The following C10orf90 variants were observed in gnomAD, a reference collection of about 807,000 sequenced individuals.
C10orf90 encodes chromosome 10 open reading frame 90.
C10orf90 carries 56 observed loss-of-function variants against 62.5 expected under a neutral mutation model. The observed-to-expected ratio is 0.90, with a 90% CI of 0.72 to 1.12. C10orf90 has a LOEUF of 1.12. Ranked by LOEUF, C10orf90 falls within the 50% of genes most tolerant of loss-of-function variation. The probability of loss-of-function intolerance (pLI) is 0.00; values close to 1 mark genes in which losing one functional copy is unlikely to be tolerated. For missense variants in C10orf90, 970 were observed against 880.4 expected (o/e 1.10, Z -1.29); for synonymous variants, 386 against 340.4 (o/e 1.13, Z -1.47).
At chr10:126,576,995 A>G (rs1176023318) in intron 2 of C10orf90, among the ~76,000 whole-genome samples, 1 of 151,632 alleles carries the variant, frequency 6.6e-6, no homozygotes, top group Non-Finnish European at 1.5e-5. Flanking sequence ...CTAGAGGCTG[A>G]GAAGGGTAGG....
chr10:126,610,718 G>A (rs867448357), intron 2 of C10orf90, among the ~76,000 whole-genome samples: 4 of 152,260 alleles, frequency 2.6e-5, no homozygotes, highest in Middle Eastern at 6.8e-3. Flanking sequence ...ACTTTAGAAT[G>A]GAAATTAATT....
At chr10:126,643,809 A>G (rs1416478557) in intron 2 of C10orf90, among the ~76,000 whole-genome samples, 2 of 152,196 alleles carry the variant, frequency 1.3e-5, no homozygotes, top group Admixed American at 1.3e-4. Flanking sequence ...AGGGCTAAGA[A>G]AGACTTCATC....
chr10:126,559,424 A>T (rs1864851595), intron 2 of C10orf90, among the ~76,000 whole-genome samples: 1 of 152,082 alleles, frequency 6.6e-6, no homozygotes, highest in South Asian at 2.1e-4. Context: ...CTCATCTGTC[A>T]TTTCTCAGTT....
At chr10:126,475,122 G>A (rs1860789590) in intron 4 of C10orf90, among the ~76,000 whole-genome samples, 1 of 152,176 alleles carries the variant, frequency 6.6e-6, no homozygotes, top group African/African-American at 2.4e-5. Context: ...TCCAACATGT[G>A]GGAGCTGGCT....
At chr10:126,486,110 G>T (rs1861424605) in intron 4 of C10orf90, among the ~76,000 whole-genome samples, 1 of 152,130 alleles carries the variant, frequency 6.6e-6, no homozygotes, top group Admixed American at 6.5e-5. Flanking sequence ...TTATAGTTTT[G>T]AATTTAATGT....
chr10:126,589,180 C>T (rs985156139), intron 2 of C10orf90, among the ~76,000 whole-genome samples: 7 of 152,062 alleles, frequency 4.6e-5, no homozygotes, highest in African/African-American at 9.7e-5. Context: ...AAGGAATGAA[C>T]AAAACCTCTG....
chr10:126,575,500 CCA>C (rs1844591367), intron 2 of C10orf90, among the ~76,000 whole-genome samples: 1 of 151,778 alleles, frequency 6.6e-6, no homozygotes, highest in Non-Finnish European at 1.5e-5. Flanking sequence ...ACAATACTAC[CCA>C]CAGTTATTCA....
chr10:126,488,844 T>C (rs117986219), intron 4 of C10orf90, among the ~76,000 whole-genome samples: 2 of 152,172 alleles, frequency 1.3e-5, no homozygotes, highest in East Asian at 3.9e-4. Flanking sequence ...ACTTAAGAAG[T>C]AGAAACCTGA....
intron 2 of C10orf90, among the ~76,000 whole-genome samples, chr10:126,532,179 C>T (rs139062581): frequency 4.1e-4 from 62 of 152,280 alleles, no homozygotes; most frequent in African/African-American, 1.4e-3. Flanking sequence ...GGTTTTCTTC[C>T]ATCTCATTGC....
chr10:126,445,839 T>C (rs1858741981), intron 7 of C10orf90, among the ~76,000 whole-genome samples: 1 of 133,114 alleles, frequency 7.5e-6, no homozygotes, highest in Non-Finnish European at 1.6e-5. Context: ...AATGGAATAC[T>C]ACTCAGCCAT....
intron 7 of C10orf90, among the ~76,000 whole-genome samples, chr10:126,431,487 A>C (rs1165338005): frequency 6.6e-6 from 1 of 152,224 alleles, no homozygotes; most frequent in Admixed American, 6.5e-5. Flanking sequence ...AGGGCCACAG[A>C]AACATCCCAA....
At chr10:126,536,146 A>G (rs1417361654) in intron 2 of C10orf90, among the ~76,000 whole-genome samples, 1 of 152,166 alleles carries the variant, frequency 6.6e-6, no homozygotes, top group Non-Finnish European at 1.5e-5. Flanking sequence ...TTCGACAGGG[A>G]CAATCAGCTC....
At chr10:126,438,576 A>T (rs1858075668) in intron 7 of C10orf90, among the ~76,000 whole-genome samples, 4 of 152,196 alleles carry the variant, frequency 2.6e-5, no homozygotes. Context: ...ATCTGAAGGA[A>T]CTGGTTCTCC....
intron 4 of C10orf90, among the ~76,000 whole-genome samples, chr10:126,468,846 G>C (rs1590960113): frequency 6.6e-6 from 1 of 152,296 alleles, no homozygotes; most frequent in East Asian, 1.9e-4. Context: ...AGGACAATAT[G>C]AGAAAAAGAT....
chr10:126,594,861 G>A (rs12772989), intron 2 of C10orf90, among the ~76,000 whole-genome samples: 3,738 of 152,170 alleles, frequency 0.025, 79 homozygotes, highest in Middle Eastern at 0.051. Flanking sequence ...AAAAAAGAAG[G>A]GCACTAAGAG....
intron 5 of C10orf90, among the ~76,000 whole-genome samples, chr10:126,462,463 T>A (rs1271247133): frequency 1.9e-4 from 29 of 151,906 alleles, no homozygotes; most frequent in Admixed American, 1.9e-3. Context: ...CTTCCAAAAG[T>A]CTCCCTCCCC....
At chr10:126,458,014 T>C (rs115554383) in intron 7 of C10orf90, among the ~76,000 whole-genome samples, 10 of 152,072 alleles carry the variant, frequency 6.6e-5, no homozygotes, top group African/African-American at 2.4e-4. Flanking sequence ...CAGGGAAGGA[T>C]GCATTCAAAT....
In C10orf90 at chr10:126,646,549, G is replaced by T; in HGVS notation, c.313+16C>A. 1 of 417,192 alleles carries T rather than the reference G, an allele frequency of 2.4e-6. No individual in the cohort carries two copies. Among genetic ancestry groups the T allele is most frequent in the Non-Finnish European group, 4.8e-6 (1 of 210,324 alleles). The allele number at this position is 417,192 out of a possible 1,614,324, so 25.8% of individuals were successfully genotyped here. ...CTTGAAAGGGAACCCTGCCTGGGCAGGCCCCAGTCCTTTACCTGCATTGGA... is the reference window on the plus strand; with the variant it reads ...CTTGAAAGGGAACCCTGCCTGGGCATGCCCCAGTCCTTTACCTGCATTGGA... On this transcript the variant is annotated intron_variant, in intron 2 of 9. Transcript: ENST00000488181.
chr10:126,593,670 TGC>T (rs1233362456), intron 2 of C10orf90, among the ~76,000 whole-genome samples: 1 of 151,844 alleles, frequency 6.6e-6, no homozygotes, highest in East Asian at 1.9e-4. Flanking sequence ...GTAACAAACC[TGC>T]ACATGTGCCC....
Sources: gnomAD v4.1 joint callset for allele counts (sites outside exome capture counted in the v4.1 genomes callset) on GRCh38, gnomAD v4.1.1 for gene constraint, MANE v1.5 for transcripts, NCBI Gene and HGNC (gene_info 2026-07-23, HGNC 2026-07-21) for gene names.